OXR1: variants seen among roughly 807,000 people sequenced by gnomAD.
The protein encoded by OXR1 is oxidation resistance 1.
In OXR1, 41 loss-of-function variants were observed where a neutral mutation model predicts 104.6. The ratio of observed to expected loss-of-function variants is 0.39; its 90% confidence interval spans 0.31 to 0.51. The LOEUF is 0.51. OXR1 is among the 20% of genes least tolerant of loss of function. The probability of loss-of-function intolerance (pLI) is 0.77; values close to 1 mark genes in which losing one functional copy is unlikely to be tolerated. For synonymous variants in OXR1, 348 were observed against 348.4 expected, an observed-to-expected ratio of 1.00 and a Z score of 0.01; for missense variants, 955 against 1,031.9, an observed-to-expected ratio of 0.93 and a Z score of 1.02.
In OXR1 at chr8:106,710,731, G is replaced by C; in HGVS notation, c.1734G>C (p.Met578Ile). ...TTGTATCTCAAGCAAGTGCTACAAT[G>C]CAACAGTATGCACAGAGAGATAAGA... ...KTFVSQASAT[M>I]QQYAQRDKKH... The change falls in exon 10 of 17, where the codon ATG (methionine) becomes ATC (isoleucine). Residue 578 changes from methionine to isoleucine, a missense_variant. Met to Ile is a conservative substitution (Grantham distance 10). Transcript: ENST00000517566. The C allele has an allele frequency of 6.2e-7, 1 of 1,600,890 alleles. No individual in the cohort carries two copies. The highest frequency in any genetic ancestry group is 8.5e-7 in the Non-Finnish European group (1 of 1,172,940).
intron 3 of OXR1, among the ~76,000 whole-genome samples, chr8:106,646,555 TTAAG>T (rs1279080448): frequency 2.0e-5 from 3 of 152,280 alleles, no homozygotes; most frequent in African/African-American, 4.8e-5. Context: ...GCTTTTCAGA[TTAAG>T]TATCAAAATT....
chr8:106,555,928 G>GTATATATATATA (rs371162000), intron 3 of OXR1, among the ~76,000 whole-genome samples: 2,279 of 142,420 alleles, frequency 0.016, 48 homozygotes, highest in East Asian at 0.12. Context: ...GTATATATAT[G>GTATATATATATA]TACATATATA....
At chr8:106,444,099 T>C in intron 2 of OXR1, among the ~76,000 whole-genome samples, 1 of 152,164 alleles carries the variant, frequency 6.6e-6, no homozygotes, top group East Asian at 1.9e-4. Context: ...AAAAGCTCAA[T>C]ATGACTGATC....
chr8:106,707,340 T>C, intron 9 of OXR1, 195 bp downstream of exon 9: 1 of 665,736 alleles, frequency 1.5e-6, no homozygotes, highest in Non-Finnish European at 2.7e-6. Flanking sequence ...AGGTGGATTG[T>C]ACACATAATG....
intron 11 of OXR1, chr8:106,720,855 G>C: frequency 6.2e-6 from 1 of 161,962 alleles, no homozygotes. Flanking sequence ...GCTTAAAGGA[G>C]TGACCACCAC....
chr8:106,581,167 G>C (rs1818192947), intron 3 of OXR1: 1 of 1,275,414 alleles, frequency 7.8e-7, no homozygotes, highest in Admixed American at 2.5e-5. Context: ...GAAATAGCAA[G>C]AACATTTGAA....
chr8:106,381,697 C>A (rs1167181613), intron 2 of OXR1, among the ~76,000 whole-genome samples: 1 of 152,086 alleles, frequency 6.6e-6, no homozygotes, highest in East Asian at 1.9e-4. Flanking sequence ...TCTAAATTTT[C>A]TATCTAATCA....
At chr8:106,749,018 C>T (rs1835650257) in intron 16 of OXR1, among the ~76,000 whole-genome samples, 2 of 151,864 alleles carry the variant, frequency 1.3e-5, no homozygotes, top group African/African-American at 4.8e-5. Context: ...TAAATAGTTC[C>T]TTTCTTTTGT....
At position 106,629,027 on chromosome 8, in the gene OXR1, G is replaced by A. The variant is rs536536760; in HGVS notation, c.221-50183G>A. On this transcript the variant is annotated intron_variant, in intron 3 of 16. Transcript: ENST00000517566. ...TATGAAAGAGCAAAGACAGACTTCA[G>A]AGCGTAACAGAGTAAGAGAGAATGA... is the stretch of plus-strand genomic sequence containing the variant. 5.9e-5 allele frequency among the ~76,000 whole-genome samples: 9 copies of A among 152,204 alleles called. No homozygotes were observed. In the South Asian group the frequency reaches 1.7e-3, roughly 28 times the overall value.
intron 3 of OXR1, among the ~76,000 whole-genome samples, chr8:106,537,187 C>A (rs1458097363): frequency 6.6e-6 from 1 of 152,086 alleles, no homozygotes; most frequent in Non-Finnish European, 1.5e-5. Context: ...GGCCTCATTA[C>A]TTAATATCAT....
At chr8:106,450,995 C>T (rs868425436) in intron 2 of OXR1, among the ~76,000 whole-genome samples, 4 of 151,908 alleles carry the variant, frequency 2.6e-5, no homozygotes, top group African/African-American at 9.7e-5. Context: ...AATTGGGAAC[C>T]GAGAAAGGAT....
chr8:106,458,043 A>G (rs558650371), intron 2 of OXR1, among the ~76,000 whole-genome samples: 4 of 152,310 alleles, frequency 2.6e-5, no homozygotes, highest in South Asian at 4.1e-4. Context: ...CTGGCTGCAT[A>G]AAGAATAAAA....
At chr8:106,694,373 TTATC>T in intron 7 of OXR1, among the ~76,000 whole-genome samples, 1 of 144,992 alleles carries the variant, frequency 6.9e-6, no homozygotes, top group African/African-American at 2.5e-5. Context: ...TCAGTTTTAT[TTATC>T]TGTTTTTGCC....
intron 2 of OXR1, among the ~76,000 whole-genome samples, chr8:106,504,718 T>C (rs1812042273): frequency 6.6e-6 from 1 of 152,220 alleles, no homozygotes; most frequent in African/African-American, 2.4e-5. Context: ...TTATTATTCT[T>C]TGATGATGAT....
chr8:106,648,407 T>C (rs952914933), intron 3 of OXR1, among the ~76,000 whole-genome samples: 1 of 152,228 alleles, frequency 6.6e-6, no homozygotes, highest in East Asian at 1.9e-4. Context: ...TACAAACCAA[T>C]GTTTTTGTTA....
intron 11 of OXR1, among the ~76,000 whole-genome samples, chr8:106,730,436 C>T (rs1489186472): frequency 6.6e-6 from 1 of 151,770 alleles, no homozygotes; most frequent in African/African-American, 2.4e-5. Flanking sequence ...CCGGTCTTTC[C>T]ACTGTTTTGC....
intron 2 of OXR1, among the ~76,000 whole-genome samples, chr8:106,501,911 G>T (rs1009682281): frequency 2.0e-5 from 3 of 152,130 alleles, no homozygotes; most frequent in Non-Finnish European, 4.4e-5. Flanking sequence ...CTAAAGAAAT[G>T]TTAACTGCCA....
At chr8:106,346,864 C>G (rs1815506245) in intron 1 of OXR1, among the ~76,000 whole-genome samples, 1 of 152,080 alleles carries the variant, frequency 6.6e-6, no homozygotes, top group Non-Finnish European at 1.5e-5. Context: ...ACGGTGAAAC[C>G]CCGTCTCTAC....
intron 3 of OXR1, among the ~76,000 whole-genome samples, chr8:106,551,860 ATGTGTGTG>A (rs71307068): frequency 0.074 from 9,318 of 126,524 alleles, 347 homozygotes; most frequent in Admixed American, 0.11. Flanking sequence ...GTGTATATAT[ATGTGTGTG>A]TGTGTGTGTG....
Sources: gnomAD v4.1 joint callset for allele counts (sites outside exome capture counted in the v4.1 genomes callset) on GRCh38, gnomAD v4.1.1 for gene constraint, MANE v1.5 for transcripts, NCBI Gene and HGNC (gene_info 2026-07-23, HGNC 2026-07-21) for gene names.